The following B3GLCT variants were observed in gnomAD, a reference collection of about 807,000 sequenced individuals.
B3GLCT encodes the protein beta 3-glucosyltransferase.
In B3GLCT, 65 loss-of-function variants were observed where a neutral mutation model predicts 63.4. That is an observed-to-expected ratio of 1.03 (90% CI 0.84 to 1.26). B3GLCT has a LOEUF of 1.26. Among genes scored for constraint, B3GLCT ranks in the 50% most tolerant of loss-of-function variants. The pLI is 0.00. For missense variants in B3GLCT, 577 were observed against 604.8 expected (o/e 0.95, Z 0.48); for synonymous variants, 233 against 219.2 (o/e 1.06, Z -0.55).
At chr13:31,241,739 T>C (rs1353778636) in intron 4 of B3GLCT, among the ~76,000 whole-genome samples, 1 of 152,180 alleles carries the variant, frequency 6.6e-6, no homozygotes, top group African/African-American at 2.4e-5. Context: ...TAGACTCCCA[T>C]CTTGGGCAGC....
intron 7 of B3GLCT, 132 bp downstream of exon 7, chr13:31,261,214 C>T (rs187312224): frequency 9.6e-7 from 1 of 1,043,712 alleles, no homozygotes; most frequent in African/African-American, 1.6e-5. Context: ...GTGGTAAGAT[C>T]TGGAAAAGGA....
At chr13:31,286,924 G>C (rs1008372928) in intron 12 of B3GLCT, 105 bp downstream of exon 12, 4 of 727,662 alleles carry the variant, frequency 5.5e-6, no homozygotes. Flanking sequence ...ACGGGGACGG[G>C]GTTTACCCTT....
intron 4 of B3GLCT, among the ~76,000 whole-genome samples, chr13:31,245,006 T>A (rs112096483): frequency 0.01 from 1,561 of 152,240 alleles, 18 homozygotes; most frequent in Middle Eastern, 0.061. Flanking sequence ...ATTTGACTGA[T>A]CTTGTGTTCA....
At chr13:31,266,022 C>T (rs758542473) in intron 7 of B3GLCT, among the ~76,000 whole-genome samples, 4 of 151,086 alleles carry the variant, frequency 2.6e-5, no homozygotes, top group African/African-American at 4.9e-5. Context: ...TTTTTTGAAA[C>T]GGAGTCTCGC....
intron 4 of B3GLCT, among the ~76,000 whole-genome samples, chr13:31,240,816 C>T (rs145328362): frequency 3.4e-4 from 52 of 152,118 alleles, no homozygotes; most frequent in African/African-American, 9.9e-4. Flanking sequence ...TTATTAAATT[C>T]GAGACTTTAT....
intron 12 of B3GLCT, among the ~76,000 whole-genome samples, chr13:31,310,787 C>T (rs775753352): frequency 5.9e-5 from 9 of 152,230 alleles, no homozygotes; most frequent in South Asian, 2.1e-4. Flanking sequence ...CTTGGGGCTC[C>T]GCAGTTGCTG....
intron 2 of B3GLCT, among the ~76,000 whole-genome samples, chr13:31,215,877 T>TA (rs1869535648): frequency 6.6e-6 from 1 of 152,170 alleles, no homozygotes; most frequent in South Asian, 2.1e-4. Flanking sequence ...GTGACTATGC[T>TA]ACCAGAGAGT....
chr13:31,274,390 A>G, intron 8 of B3GLCT, 119 bp from the exon 9 acceptor site: 2 of 1,306,592 alleles, frequency 1.5e-6, no homozygotes. Flanking sequence ...ACAAATTGAT[A>G]TGGTTCAGCC....
rs1478212820 is a variant in B3GLCT, at chr13:31,329,622, A to G, written c.1451A>G (p.Asp484Gly). The G allele has an allele frequency of 1.5e-5, 25 of 1,614,100 alleles. No homozygotes were observed. The highest frequency in any genetic ancestry group is 2.1e-5 in the Non-Finnish European group (25 of 1,180,048). ...YFTWLAPSDEDKARQETQKGF... is the reference protein window; with the variant it reads ...YFTWLAPSDEGKARQETQKGF... ...ACATGGTTGGCACCCAGTGACGAAG[A>G]CAAAGCCAGGCAGGAGACACAGAAA... The change falls in exon 15 of 15, where the codon GAC becomes GGC. Residue 484 changes from aspartate (D) to glycine (G), a missense_variant. Coordinates refer to ENST00000343307, the MANE Select transcript of B3GLCT (RefSeq NM_194318.4).
chr13:31,228,969 C>T (rs915223438), intron 3 of B3GLCT, among the ~76,000 whole-genome samples: 5 of 152,202 alleles, frequency 3.3e-5, no homozygotes, highest in African/African-American at 1.2e-4. Context: ...CTGGTACAGT[C>T]AGCTTATTTA....
intron 4 of B3GLCT, among the ~76,000 whole-genome samples, chr13:31,237,442 C>T (rs961332581): frequency 3.3e-5 from 5 of 150,772 alleles, no homozygotes; most frequent in African/African-American, 1.2e-4. Context: ...CAACCTCTGC[C>T]TTCTGGGTTC....
chr13:31,272,277 G>A (rs972127240), intron 8 of B3GLCT, among the ~76,000 whole-genome samples: 9 of 147,722 alleles, frequency 6.1e-5, no homozygotes, highest in Non-Finnish European at 1.2e-4. Context: ...GTGCAGTGGC[G>A]CCATCTTGGC....
intron 9 of B3GLCT, 81 bp from the exon 10 acceptor site, chr13:31,276,621 C>G (rs1872798729): frequency 1.1e-6 from 1 of 888,794 alleles, no homozygotes; most frequent in Non-Finnish European, 1.9e-6. Flanking sequence ...AATTTGAACT[C>G]TAGAGCGTGT....
intron 1 of B3GLCT, among the ~76,000 whole-genome samples, chr13:31,204,091 A>G (rs967219965): frequency 2.0e-5 from 3 of 152,226 alleles, no homozygotes; most frequent in African/African-American, 7.2e-5. Flanking sequence ...AGTAATGACT[A>G]CAGAATGAAT....
intron 1 of B3GLCT, among the ~76,000 whole-genome samples, chr13:31,203,284 C>G (rs948170147): frequency 2.0e-5 from 3 of 152,138 alleles, no homozygotes; most frequent in Admixed American, 6.5e-5. Flanking sequence ...GCAGATATTA[C>G]TGGCACAGAT....
At chr13:31,251,322 A>G (rs1871417602) in intron 6 of B3GLCT, among the ~76,000 whole-genome samples, 1 of 152,222 alleles carries the variant, frequency 6.6e-6, no homozygotes, top group East Asian at 1.9e-4. Flanking sequence ...TCAAAGGATC[A>G]CAACTCCTCA....
At chr13:31,242,468 A>G (rs1871002639) in intron 4 of B3GLCT, among the ~76,000 whole-genome samples, 2 of 152,228 alleles carry the variant, frequency 1.3e-5, no homozygotes, top group South Asian at 2.1e-4. Flanking sequence ...GATATTGTTA[A>G]TAGTCATCAC....
intron 12 of B3GLCT, 94 bp downstream of exon 12, chr13:31,286,913 A>C (rs528510304): frequency 8.4e-6 from 7 of 837,494 alleles, no homozygotes; most frequent in African/African-American, 5.1e-5. Flanking sequence ...AAGATGAAGT[A>C]ACGGGGACGG....
intron 12 of B3GLCT, among the ~76,000 whole-genome samples, chr13:31,302,075 C>A (rs536344339): frequency 2.6e-5 from 4 of 152,290 alleles, no homozygotes; most frequent in Admixed American, 2.6e-4. Flanking sequence ...TGACTCTCCC[C>A]TCTCCCCTTC....
Sources: allele counts gnomAD v4.1 joint callset (sites outside exome capture counted in the v4.1 genomes callset), GRCh38; gene constraint gnomAD v4.1.1; transcripts MANE v1.5; gene names NCBI Gene and HGNC (gene_info 2026-07-23, HGNC 2026-07-21).